ZNF292: variants seen among roughly 807,000 people sequenced by gnomAD.
ZNF292 encodes the protein 16 zinc-finger domain protein.
Under a neutral mutation model 217.9 loss-of-function variants are expected in ZNF292, and 26 were observed. The observed-to-expected ratio is 0.12, with a 90% CI of 0.09 to 0.17. ZNF292 has a LOEUF of 0.17. ZNF292 is among the 10% of genes least tolerant of loss of function. The pLI, the probability that ZNF292 is intolerant of heterozygous loss-of-function variation, is 1.00. For missense variants in ZNF292, 2,904 were observed against 3,175.2 expected, an observed-to-expected ratio of 0.91 and a Z score of 2.05; for synonymous variants, 1,257 against 1,124.1, an observed-to-expected ratio of 1.12 and a Z score of -2.37.
intron 1 of ZNF292, among the ~76,000 whole-genome samples, chr6:87,207,615 T>C (rs968755123): frequency 6.6e-6 from 1 of 152,256 alleles, no homozygotes; most frequent in African/African-American, 2.4e-5. Context: ...GTAACTGTTT[T>C]ACTTGTGTTT....
intron 1 of ZNF292, 88 bp downstream of exon 1, chr6:87,155,847 C>G (rs1185219944): frequency 1.4e-6 from 2 of 1,425,138 alleles, no homozygotes; most frequent in South Asian, 1.5e-5. Context: ...AGGTGGTCGC[C>G]GCTTCCTTGG....
At chr6:87,180,642 A>G (rs760239442) in intron 1 of ZNF292, among the ~76,000 whole-genome samples, 17 of 151,722 alleles carry the variant, frequency 1.1e-4, no homozygotes, top group African/African-American at 3.9e-4. Flanking sequence ...CAATGTCCCA[A>G]CTGACTGTGT....
At position 87,255,541 on chromosome 6, in the gene ZNF292, A is replaced by T; in HGVS notation, c.1912A>T (p.Asn638Tyr). The T allele has an allele frequency of 1.9e-6, 3 of 1,611,902 alleles. No homozygotes were observed. Among genetic ancestry groups the T allele is most frequent in the Non-Finnish European group, 2.5e-6 (3 of 1,178,802 alleles). The change falls in exon 8 of 8, where the codon AAT becomes TAT. Residue 638 changes from asparagine to tyrosine, a missense_variant. By Grantham distance (143) the Asn-to-Tyr change is moderately radical. Coordinates refer to ENST00000369577, the MANE Select transcript of ZNF292 (RefSeq NM_015021.3). ...AKQEQRPIKKNSLYSTDFIVF... is the reference protein window; with the variant it reads ...AKQEQRPIKKYSLYSTDFIVF... ...ACAGGAGCAGCGACCTATAAAAAAG[A>T]ATAGTCTCTATTCAACAGATTTTAT... is the stretch of plus-strand genomic sequence containing the variant.
rs201626407 is a variant in ZNF292 at position 87,259,894 on chromosome 6, A to C, written c.6265A>C (p.Lys2089Gln). ...GRKIRRHKKEKEEKKRKKPVS... is the reference protein window; with the variant it reads ...GRKIRRHKKEQEEKKRKKPVS... ...GAAGATTAGGAGGCATAAAAAAGAAAAGGAGGAGAAAAAACGAAAGAAGCC... is the reference window on the plus strand; with the variant it reads ...GAAGATTAGGAGGCATAAAAAAGAACAGGAGGAGAAAAAACGAAAGAAGCC... The change falls in exon 8 of 8, where the codon AAG becomes CAG. Residue 2089 changes from lysine (K) to glutamine (Q), a missense_variant. This residue lies in a region of ZNF292 where 261 missense variants were observed against 272.8 expected (regional missense o/e 0.96). Transcript: ENST00000369577. 2.5e-4 allele frequency: 410 copies of C among 1,613,312 alleles called. No homozygotes were observed. Among genetic ancestry groups the C allele is most frequent in the Non-Finnish European group, 3.1e-4 (361 of 1,179,612 alleles).
chr6:87,215,842 A>G lies in ZNF292; in HGVS notation c.169-61A>G, dbSNP rs1032357424. On this transcript the variant is annotated intron_variant, in intron 1 of 7. Transcript: ENST00000369577. Reference sequence around the variant, plus strand: ...AAAATTTTTCAGGAAAAAACAGCTGATGAGTCAATGTATATTTTGATTTAC... The same window carrying G: ...AAAATTTTTCAGGAAAAAACAGCTGGTGAGTCAATGTATATTTTGATTTAC... The G allele has an allele frequency of 5.9e-6, 8 of 1,346,490 alleles. No homozygotes were observed. In the African/African-American group the frequency reaches 1.2e-4, roughly 21 times the overall value. The allele number at this position is 1,346,490 out of a possible 1,614,324, so 83.4% of individuals were successfully genotyped here.
At chr6:87,168,039 C>G (rs1770973086) in intron 1 of ZNF292, among the ~76,000 whole-genome samples, 1 of 152,138 alleles carries the variant, frequency 6.6e-6, no homozygotes, top group African/African-American at 2.4e-5. Flanking sequence ...ATTCAGTTAC[C>G]TAATTTCCAT....
chr6:87,184,917 C>T (rs1019535652), intron 1 of ZNF292, among the ~76,000 whole-genome samples: 15 of 152,196 alleles, frequency 9.9e-5, no homozygotes, highest in Non-Finnish European at 1.8e-4. Flanking sequence ...GAGACCAATC[C>T]ATTTTCTGTA....
In ZNF292 at chr6:87,259,060, C is replaced by G. The variant is rs748112809; in HGVS notation, c.5431C>G (p.Pro1811Ala). ...VQNNKLPDSS[P>A]FSSFISVMPT... ...AAATAACAAATTACCCGATTCTTCT[C>G]CGTTTTCCTCCTTTATAAGTGTCAT... is the stretch of plus-strand genomic sequence containing the variant. Residue 1811 changes from proline (P) to alanine (A), a missense_variant, in exon 8 of 8, where the codon CCG becomes GCG. Pro to Ala is a conservative substitution (Grantham distance 27). This residue lies in a region of ZNF292 where 622 missense variants were observed against 573.1 expected (regional missense o/e 1.09). Transcript: ENST00000369577. 3 of 1,613,348 alleles carry G rather than the reference C, an allele frequency of 1.9e-6. No individual in the cohort carries two copies. The South Asian group carries it at 3.3e-5, about 18-fold the overall frequency.
rs115974171 is a variant in ZNF292, at chr6:87,156,706, C to T, written c.168+947C>T. 4.2e-3 allele frequency among the ~76,000 whole-genome samples: 644 copies of T among 152,338 alleles called. 2 individuals carry two copies. The highest frequency in any genetic ancestry group is 0.015 in the African/African-American group (610 of 41,584). ...TCTTTTCTTTGCTTGCCCAAGGGCA[C>T]TGCTCACCAGTGACTGCATTCTAAC... On this transcript the variant is annotated intron_variant, in intron 1 of 7. Transcript: ENST00000369577.
At chr6:87,248,651 A>G (rs1363209871) in intron 7 of ZNF292, among the ~76,000 whole-genome samples, 2 of 152,246 alleles carry the variant, frequency 1.3e-5, no homozygotes, top group Admixed American at 6.5e-5. Context: ...GTTTTAAATC[A>G]TAGGTTGTGC....
rs987518730 is a variant in ZNF292, at chr6:87,264,579, G to A, written c.*2778G>A. ...TTGGGAAAGTCTTTGTAGAAAATAT[G>A]AGTTTTGAAAGATGAATGAATGCTC... On this transcript the variant is annotated 3_prime_UTR_variant, in exon 8 of 8. Transcript: ENST00000369577. 6.6e-6 allele frequency among the ~76,000 whole-genome samples: 1 copy of A among 152,152 alleles called. No homozygotes were observed. The highest frequency in any genetic ancestry group is 1.5e-5 in the Non-Finnish European group (1 of 68,022).
Position 87,215,821 on chromosome 6 carries a change from T to A in ZNF292, c.169-82T>A, listed in dbSNP as rs553886135. ...AAATAAAAATCTGTATTTTTCAAAA[T>A]TTTTCAGGAAAAAACAGCTGATGAG... On this transcript the variant is annotated intron_variant, in intron 1 of 7. Coordinates refer to ENST00000369577, the MANE Select transcript of ZNF292 (RefSeq NM_015021.3). 2.1e-5 allele frequency: 24 copies of A among 1,166,982 alleles called. 1 individual carries two copies. The East Asian group carries it at 7.0e-4, about 34-fold the overall frequency. The allele number at this position is 1,166,982 out of a possible 1,614,324, so 72.3% of individuals were successfully genotyped here.
Position 87,197,082 on chromosome 6 carries a change from A to G in ZNF292, c.169-18821A>G, listed in dbSNP as rs998554377. Among the ~76,000 whole-genome samples the G allele has an allele frequency of 4.5e-5, 4 of 88,140 alleles. No homozygotes were observed. The Admixed American group carries it at 5.0e-4, about 11-fold the overall frequency. The allele number at this position is 88,140 out of a possible 152,430, so 57.8% of individuals were successfully genotyped here. ...ACAAATGAGAAAGGAGGTCAGATTC[A>G]TTATTAGTTAAAGAAGTGCAAATTA... On this transcript the variant is annotated intron_variant, in intron 1 of 7. Transcript: ENST00000369577.
At chr6:87,230,917 C>T (rs539552008) in intron 4 of ZNF292, among the ~76,000 whole-genome samples, 177 of 152,056 alleles carry the variant, frequency 1.2e-3, no homozygotes, top group Non-Finnish European at 2.1e-3. Context: ...ATAGAGAAAA[C>T]ATAAAAAGGT....
intron 1 of ZNF292, among the ~76,000 whole-genome samples, chr6:87,210,581 A>C (rs1234224299): frequency 6.6e-6 from 1 of 152,034 alleles, no homozygotes. Context: ...AGAGATCAAG[A>C]CCATCCTGGC....
chr6:87,245,738 A>T, intron 7 of ZNF292, 94 bp downstream of exon 7: 1 of 812,018 alleles, frequency 1.2e-6, no homozygotes, highest in South Asian at 3.0e-5. Context: ...CTTTTCAGTG[A>T]TTTTTAAATT....
chr6:87,179,187 T>A (rs1270989077), intron 1 of ZNF292, among the ~76,000 whole-genome samples: 2 of 119,442 alleles, frequency 1.7e-5, no homozygotes, highest in South Asian at 6.0e-4. Flanking sequence ...GGAGATGGAG[T>A]CTCACTCTGT....
chr6:87,230,381 C>A (rs1164040952), intron 4 of ZNF292, among the ~76,000 whole-genome samples: 1 of 152,138 alleles, frequency 6.6e-6, no homozygotes, highest in Non-Finnish European at 1.5e-5. Context: ...AGAAAATCAA[C>A]TCATATTTTG....
intron 1 of ZNF292, among the ~76,000 whole-genome samples, chr6:87,193,302 T>C (rs891283952): frequency 6.6e-6 from 1 of 152,124 alleles, no homozygotes; most frequent in Non-Finnish European, 1.5e-5. Flanking sequence ...CCTAGCACTT[T>C]GGGAGGCGGA....
Sources: gnomAD v4.1 joint callset for allele counts (sites outside exome capture counted in the v4.1 genomes callset) on GRCh38, gnomAD v4.1.1 for gene constraint, gnomAD v4.1.1 regional missense constraint, MANE v1.5 for transcripts, NCBI Gene and HGNC (gene_info 2026-07-23, HGNC 2026-07-21) for gene names.